The following ADAMTS18 variants were observed in gnomAD, a reference collection of about 807,000 sequenced individuals.
The protein encoded by ADAMTS18 is ADAM metallopeptidase with thrombospondin type 1 motif 18, also known as A disintegrin and metalloproteinase with thrombospondin motifs 18.
In ADAMTS18, 157 loss-of-function variants were observed where a neutral mutation model predicts 165.9. The observed-to-expected ratio is 0.95, with a 90% confidence interval of 0.83 to 1.08. ADAMTS18 has a LOEUF of 1.08. Among genes scored for constraint, ADAMTS18 ranks in the 50% least tolerant of loss-of-function variants. The pLI is 0.00. For synonymous variants in ADAMTS18, 782 were observed against 578.2 expected (o/e 1.35, Z -5.06); for missense variants, 2,040 against 1,534.0 (o/e 1.33, Z -5.51).
intron 3 of ADAMTS18, among the ~76,000 whole-genome samples, chr16:77,386,396 G>C (rs907095416): frequency 6.6e-6 from 1 of 152,194 alleles, no homozygotes. Flanking sequence ...GACTTCGACA[G>C]GTTTTGTTTG....
chr16:77,402,369 A>G (rs1342891772), intron 3 of ADAMTS18, among the ~76,000 whole-genome samples: 1 of 152,150 alleles, frequency 6.6e-6, no homozygotes, highest in Non-Finnish European at 1.5e-5. Flanking sequence ...AAGCAGGCCT[A>G]GGGGCCAGCA....
chr16:77,400,142 T>C (rs750226938), intron 3 of ADAMTS18, among the ~76,000 whole-genome samples: 3 of 152,310 alleles, frequency 2.0e-5, no homozygotes, highest in African/African-American at 4.8e-5. Context: ...TGGGGTCTCA[T>C]AGAAGACCTC....
chr16:77,351,925 G>T (rs2056562109), intron 10 of ADAMTS18, among the ~76,000 whole-genome samples: 1 of 151,892 alleles, frequency 6.6e-6, no homozygotes, highest in Non-Finnish European at 1.5e-5. Flanking sequence ...GTAAAGAGAG[G>T]GTCTAACTTT....
At chr16:77,400,055 C>G (rs1170920830) in intron 3 of ADAMTS18, among the ~76,000 whole-genome samples, 1 of 152,146 alleles carries the variant, frequency 6.6e-6, no homozygotes, top group Non-Finnish European at 1.5e-5. Context: ...CGCCCCATAG[C>G]CAGATATCTC....
chr16:77,401,354 G>A (rs1376156980), intron 3 of ADAMTS18, among the ~76,000 whole-genome samples: 2 of 152,206 alleles, frequency 1.3e-5, no homozygotes, highest in Admixed American at 1.3e-4. Flanking sequence ...TATGTTTACT[G>A]TGTACTAGAT....
intron 20 of ADAMTS18, among the ~76,000 whole-genome samples, chr16:77,292,271 A>G (rs67426384): frequency 0.11 from 16,392 of 152,262 alleles, 1,219 homozygotes; most frequent in Admixed American, 0.22. Flanking sequence ...GCACTCTAGG[A>G]CAACAGAGCA....
In ADAMTS18 at chr16:77,422,514, T is replaced by C. The variant is rs1163374948; in HGVS notation, c.495+8781A>G. On this transcript the variant is annotated intron_variant, in intron 3 of 22. Coordinates refer to ENST00000282849, the MANE Select transcript of ADAMTS18 (RefSeq NM_199355.4). Reference sequence around the variant, plus strand: ...GGAGGAAGGAAGAGATGCAGGGAGATGGGGAGGGAGGGAAGAGAGGAGAGT... The same window carrying C: ...GGAGGAAGGAAGAGATGCAGGGAGACGGGGAGGGAGGGAAGAGAGGAGAGT... 2.4e-5 allele frequency among the ~76,000 whole-genome samples: 3 copies of C among 123,028 alleles called. No individual in the cohort carries two copies. The South Asian group carries it at 7.9e-4, about 33-fold the overall frequency. The allele number at this position is 123,028 out of a possible 152,430, so 80.7% of individuals were successfully genotyped here. A position where few individuals can be genotyped will look rare whatever the true frequency, so the allele number is the denominator to read the frequency against.
intron 3 of ADAMTS18, among the ~76,000 whole-genome samples, chr16:77,402,715 G>A (rs1003363891): frequency 4.6e-5 from 7 of 152,170 alleles, no homozygotes; most frequent in African/African-American, 1.7e-4. Context: ...ACAAAACAAA[G>A]TGAAGGCTGG....
intron 7 of ADAMTS18, among the ~76,000 whole-genome samples, chr16:77,360,345 G>C (rs186423707): frequency 6.6e-6 from 1 of 152,290 alleles, no homozygotes; most frequent in East Asian, 1.9e-4. Context: ...CCAAAGCTCA[G>C]AGAGGTGAAT....
At chr16:77,305,198 C>T (rs1304037387) in intron 16 of ADAMTS18, among the ~76,000 whole-genome samples, 1 of 152,060 alleles carries the variant, frequency 6.6e-6, no homozygotes, top group Non-Finnish European at 1.5e-5. Flanking sequence ...GCTCTTTGCC[C>T]CCATCTTTAT....
chr16:77,418,417 T>C (rs2057557733), intron 3 of ADAMTS18, among the ~76,000 whole-genome samples: 1 of 152,194 alleles, frequency 6.6e-6, no homozygotes, highest in Non-Finnish European at 1.5e-5. Context: ...TCTGGAGACA[T>C]TTTTAGCTGA....
chr16:77,430,431 G>C (rs554232595), intron 3 of ADAMTS18, among the ~76,000 whole-genome samples: 5 of 152,310 alleles, frequency 3.3e-5, no homozygotes, highest in Admixed American at 2.6e-4. Flanking sequence ...CTTGCTTTGT[G>C]CCATGATGTA....
chr16:77,356,842 T>C (rs1386580288), intron 8 of ADAMTS18, among the ~76,000 whole-genome samples: 1 of 152,106 alleles, frequency 6.6e-6, no homozygotes, highest in Non-Finnish European at 1.5e-5. Context: ...AGAATAAATG[T>C]GACATTAATG....
chr16:77,402,555 A>C (rs1239174080), intron 3 of ADAMTS18, among the ~76,000 whole-genome samples: 1 of 152,230 alleles, frequency 6.6e-6, no homozygotes, highest in Non-Finnish European at 1.5e-5. Context: ...TGGGGATTTC[A>C]ACTCTGCGAG....
intron 6 of ADAMTS18, 77 bp from the exon 7 acceptor site, chr16:77,362,341 C>T: frequency 6.7e-7 from 1 of 1,501,130 alleles, no homozygotes. Context: ...TTTGTACAGG[C>T]AAACACAGAA....
At chr16:77,368,444 T>TC (rs1269995205) in intron 3 of ADAMTS18, among the ~76,000 whole-genome samples, 3 of 151,524 alleles carry the variant, frequency 2.0e-5, no homozygotes, top group African/African-American at 7.3e-5. Context: ...TTTCTTTTTT[T>TC]TTTTTTTTTT....
At chr16:77,353,108 C>T (rs1271094735) in intron 10 of ADAMTS18, among the ~76,000 whole-genome samples, 2 of 149,840 alleles carry the variant, frequency 1.3e-5, no homozygotes, top group African/African-American at 5.1e-5. Flanking sequence ...ACAACAACAA[C>T]AAATTTACTT....
intron 13 of ADAMTS18, among the ~76,000 whole-genome samples, chr16:77,325,479 G>A (rs2056076917): frequency 6.6e-6 from 1 of 152,122 alleles, no homozygotes; most frequent in Admixed American, 6.6e-5. Flanking sequence ...TGACATGTCA[G>A]TTACTGTGTA....
At chr16:77,314,378 C>A (rs746557674) in intron 16 of ADAMTS18, among the ~76,000 whole-genome samples, 2 of 151,848 alleles carry the variant, frequency 1.3e-5, no homozygotes, top group Non-Finnish European at 2.9e-5. Flanking sequence ...GAGGCCGAGG[C>A]GGGTGGATTA....
Sources: allele counts gnomAD v4.1 joint callset (sites outside exome capture counted in the v4.1 genomes callset), GRCh38; gene constraint gnomAD v4.1.1; transcripts MANE v1.5; gene names NCBI Gene and HGNC (gene_info 2026-07-23, HGNC 2026-07-21).